STS: variants seen among roughly 807,000 people sequenced by gnomAD.
STS encodes the protein steryl-sulfatase.
In STS, 7 loss-of-function variants were observed where a neutral mutation model predicts 26.8. That is an observed-to-expected ratio of 0.26 (90% CI 0.15 to 0.49). STS has a LOEUF of 0.49. Ranked by LOEUF, STS falls within the 20% of genes least tolerant of loss-of-function variation. STS has a pLI of 0.98. For missense variants in STS, 434 were observed against 465.6 expected, an observed-to-expected ratio of 0.93 and a Z score of 0.63; for synonymous variants, 199 against 189.4, an observed-to-expected ratio of 1.05 and a Z score of -0.42.
intron 9 of STS, among the ~76,000 whole-genome samples, chrX:7,333,333 C>A (rs1385037750): frequency 8.9e-6 from 1 of 112,035 alleles, no homozygotes; most frequent in African/African-American, 3.2e-5. Flanking sequence ...TTGCTCATCA[C>A]CAACTGCATA....
intron 1 of STS, among the ~76,000 whole-genome samples, chrX:7,163,133 T>A (rs1263943724): frequency 9.1e-6 from 1 of 109,423 alleles, no homozygotes; most frequent in Non-Finnish European, 1.9e-5. Context: ...ACTGCAGACA[T>A]TTGGGGCTGG....
chrX:7,328,040 A>C (rs867065154), intron 9 of STS, among the ~76,000 whole-genome samples: 1 of 111,896 alleles, frequency 8.9e-6, no homozygotes, highest in Non-Finnish European at 1.9e-5. Flanking sequence ...GATGGAAAAC[A>C]TGGCAGCAGT....
intron 7 of STS, among the ~76,000 whole-genome samples, chrX:7,290,380 A>G (rs1034109376): frequency 1.8e-5 from 2 of 111,474 alleles, no homozygotes; most frequent in Admixed American, 1.9e-4. Flanking sequence ...TACTACTACT[A>G]ATAAAGTTAC....
intron 2 of STS, among the ~76,000 whole-genome samples, chrX:7,224,812 G>A (rs942751982): frequency 8.9e-5 from 10 of 112,429 alleles, no homozygotes; most frequent in African/African-American, 1.3e-4. Context: ...GGGTCTAATC[G>A]TCTGTGGTTC....
In STS at chrX:7,330,381, C is replaced by T. The variant is rs192028350; in HGVS notation, c.1242-3605C>T. Among the ~76,000 whole-genome samples, 57 of 111,839 alleles carry T rather than the reference C, an allele frequency of 5.1e-4. No homozygotes were observed. In the East Asian group the frequency reaches 0.01, roughly 20 times the overall value. On this transcript the variant is annotated intron_variant, in intron 9 of 10. Coordinates refer to ENST00000674429, the MANE Select transcript of STS (RefSeq NM_001320752.2). ...GGCAACAAGCCATAGTTGGTTACAC[C>T]TTTTGGAAAACATCAACATTTTAAC... is the stretch of plus-strand genomic sequence containing the variant.
At chrX:7,332,143 C>G in intron 9 of STS, among the ~76,000 whole-genome samples, 1 of 109,134 alleles carries the variant, frequency 9.2e-6, no homozygotes, top group Non-Finnish European at 1.9e-5. Flanking sequence ...AAGTTCAAGG[C>G]CAGTCTGGGC....
chrX:7,173,672 T>C (rs1421748695), intron 1 of STS, among the ~76,000 whole-genome samples: 1 of 112,631 alleles, frequency 8.9e-6, no homozygotes, highest in African/African-American at 3.2e-5. Flanking sequence ...GGTTTTGATT[T>C]GCATTTCTCT....
chrX:7,330,162 G>A (rs1489341126), intron 9 of STS, among the ~76,000 whole-genome samples: 1 of 111,687 alleles, frequency 9.0e-6, no homozygotes, highest in Non-Finnish European at 1.9e-5. Context: ...AATAAATGGA[G>A]GACAACCTTT....
chrX:7,228,296 T>C (rs1412396189), intron 2 of STS, among the ~76,000 whole-genome samples: 1 of 111,603 alleles, frequency 9.0e-6, no homozygotes, highest in Admixed American at 9.5e-5. Context: ...GTCAAGGAAA[T>C]TCTGTACTGT....
chrX:7,205,179 C>T (rs1283603026), intron 2 of STS, among the ~76,000 whole-genome samples: 1 of 112,424 alleles, frequency 8.9e-6, no homozygotes, highest in Non-Finnish European at 1.9e-5. Context: ...CAGGAAAGCT[C>T]TTAGCAGGTG....
At chrX:7,311,260 A>C (rs1299604336) in intron 8 of STS, among the ~76,000 whole-genome samples, 1 of 109,026 alleles carries the variant, frequency 9.2e-6, no homozygotes, top group Non-Finnish European at 1.9e-5. Flanking sequence ...CTACCCAGAC[A>C]CTGGAGTGAG....
intron 1 of STS, among the ~76,000 whole-genome samples, chrX:7,162,015 G>T (rs1210870819): frequency 8.9e-6 from 1 of 111,867 alleles, no homozygotes; most frequent in African/African-American, 3.3e-5. Flanking sequence ...ACTCCTCTTT[G>T]CATTAAAAAC....
chrX:7,238,315 T>C (rs1180926740), intron 2 of STS, among the ~76,000 whole-genome samples: 1 of 111,092 alleles, frequency 9.0e-6, no homozygotes, highest in Non-Finnish European at 1.9e-5. Context: ...AAGCATCAGA[T>C]TATAGAAGCA....
At position 7,351,922 on chromosome X, in the gene STS, T is replaced by A. The variant is rs1459253376; in HGVS notation, c.*1661T>A. 1.9e-5 allele frequency: 2 copies of A among 106,134 alleles called. No homozygotes were observed. The highest frequency in any genetic ancestry group is 6.9e-5 in the African/African-American group (2 of 29,036). 8.7% of individuals were successfully genotyped at this position (106,134 alleles called of 1,213,427 possible). A position where few individuals can be genotyped will look rare whatever the true frequency, so the allele number is the denominator to read the frequency against. On this transcript the variant is annotated 3_prime_UTR_variant, in exon 11 of 11. Transcript: ENST00000674429. ...AGTTCTTCTATTTCAAACGTTAATT[T>A]TGCTTCTCTTTCTAAAAAAAAAAAA...
intron 2 of STS, among the ~76,000 whole-genome samples, chrX:7,197,922 G>A (rs1934000478): frequency 9.0e-6 from 1 of 111,394 alleles, no homozygotes; most frequent in Non-Finnish European, 1.9e-5. Context: ...TAAATACATG[G>A]ATGAAAAAAA....
chrX:7,204,635 T>G (rs1468674902), intron 2 of STS, among the ~76,000 whole-genome samples: 12 of 102,300 alleles, frequency 1.2e-4, no homozygotes, highest in African/African-American at 4.3e-4. Context: ...TCCCTCCCTC[T>G]CTTCCTTTTT....
rs777085549 is a variant in STS at position 7,311,096 on chromosome X, A to G, written c.1081+5913A>G. Among the ~76,000 whole-genome samples the G allele has an allele frequency of 4.5e-5, 5 of 110,771 alleles. No individual in the cohort carries two copies. The South Asian group carries it at 1.9e-3, about 43-fold the overall frequency. ...ATCCCATATTTTGGAATCACATCCT[A>G]TTCACTTTATTTTCTAAGTTTATCT... is the stretch of plus-strand genomic sequence containing the variant. On this transcript the variant is annotated intron_variant, in intron 8 of 10. Transcript: ENST00000674429.
rs768567380 is a variant in STS at position 7,246,527 on chromosome X, C to T, written c.-4-6669C>T. Among the ~76,000 whole-genome samples, 516 of 110,299 alleles carry T rather than the reference C, an allele frequency of 4.7e-3. 1 individual carries two copies. The highest frequency in any genetic ancestry group is 0.016 in the African/African-American group (484 of 30,421). On this transcript the variant is annotated intron_variant, in intron 2 of 10. Transcript: ENST00000674429. ...TTCACCGTGTTAGCCAGGATGGTCT[C>T]GATCTCCTGACATCGTGATCCGCCC...
At chrX:7,323,614 C>CA (rs1464078266) in intron 8 of STS, among the ~76,000 whole-genome samples, 7 of 111,736 alleles carry the variant, frequency 6.3e-5, no homozygotes, top group African/African-American at 2.3e-4. Flanking sequence ...TTTCTTTATC[C>CA]AATCCCTGTC....
Sources: allele counts gnomAD v4.1 joint callset (sites outside exome capture counted in the v4.1 genomes callset), GRCh38; gene constraint gnomAD v4.1.1; transcripts MANE v1.5; gene names NCBI Gene and HGNC (gene_info 2026-07-23, HGNC 2026-07-21).